CCDC122: variants seen among roughly 807,000 people sequenced by gnomAD.
The protein encoded by CCDC122 is coiled-coil domain containing 122.
A neutral mutation model predicts 37.0 loss-of-function variants in CCDC122; 38 were observed. That is an observed-to-expected ratio of 1.03 (90% CI 0.79 to 1.35). The LOEUF is 1.35. Ranked by LOEUF, CCDC122 falls within the 40% of genes most tolerant of loss-of-function variation. The probability of loss-of-function intolerance (pLI) is 0.00; values close to 1 mark genes in which losing one functional copy is unlikely to be tolerated. For missense variants in CCDC122, 305 were observed against 310.0 expected, an observed-to-expected ratio of 0.98 and a Z score of 0.12; for synonymous variants, 83 against 95.6, an observed-to-expected ratio of 0.87 and a Z score of 0.77.
intron 3 of CCDC122, among the ~76,000 whole-genome samples, chr13:43,824,720 A>T: frequency 6.6e-6 from 1 of 152,194 alleles, no homozygotes. Context: ...AATCAACCCC[A>T]TTAAAAAGTG....
At chr13:43,865,383 C>G (rs1210304801) in intron 4 of CCDC122, among the ~76,000 whole-genome samples, 1 of 152,070 alleles carries the variant, frequency 6.6e-6, no homozygotes. Flanking sequence ...AGTACTCCCT[C>G]CTTATCCAAG....
chr13:43,835,209 G>A (rs1264903618), downstream of CCDC122, among the ~76,000 whole-genome samples: 1 of 152,078 alleles, frequency 6.6e-6, no homozygotes, highest in Non-Finnish European at 1.5e-5. Context: ...CTATTGCAAG[G>A]ACAAAAAACC....
chr13:43,833,185 C>T (rs1953106150), downstream of CCDC122, among the ~76,000 whole-genome samples: 1 of 152,080 alleles, frequency 6.6e-6, no homozygotes, highest in Non-Finnish European at 1.5e-5. Flanking sequence ...ATAATTTGTC[C>T]ATAGGTTGCA....
chr13:43,842,969 T>C (rs1953405647), intron 6 of CCDC122, among the ~76,000 whole-genome samples: 1 of 152,094 alleles, frequency 6.6e-6, no homozygotes, highest in South Asian at 2.1e-4. Context: ...CTGTGAATAA[T>C]GACAGTTTTA....
intron 3 of CCDC122, among the ~76,000 whole-genome samples, chr13:43,828,307 T>C (rs1953058450): frequency 6.6e-6 from 1 of 152,168 alleles, no homozygotes; most frequent in African/African-American, 2.4e-5. Context: ...GTCAGGTGTC[T>C]GCTAGCTGGT....
At chr13:43,865,212 G>A (rs867928562) in intron 4 of CCDC122, among the ~76,000 whole-genome samples, 4 of 152,120 alleles carry the variant, frequency 2.6e-5, no homozygotes, top group African/African-American at 7.2e-5. Flanking sequence ...TGAGGGGTGC[G>A]GGGAAAGTAT....
Position 43,859,997 on chromosome 13 carries a change from T to C in CCDC122, c.230A>G (p.Tyr77Cys). Residue 77 changes from tyrosine to cysteine, a missense_variant, in exon 5 of 7, where the codon TAT (tyrosine) becomes TGT (cysteine). Physicochemically the swap from Tyr to Cys is radical, Grantham distance 194. Transcript: ENST00000444614. The part of the protein sequence containing the change: ...AETKETERQI[Y>C]QQDSAIENTK... ...ATTCTCTATGGCAGAATCTTGTTGATAAATTTGTCTTTCTGTTTCTTTAGT... is the reference window on the plus strand; with the variant it reads ...ATTCTCTATGGCAGAATCTTGTTGACAAATTTGTCTTTCTGTTTCTTTAGT... The C allele has an allele frequency of 6.3e-7, 1 of 1,587,558 alleles. No individual in the cohort carries two copies. The highest frequency in any genetic ancestry group is 2.3e-5 in the East Asian group (1 of 44,042).
intron 5 of CCDC122, 93 bp downstream of exon 5, chr13:43,859,579 T>G: frequency 9.6e-7 from 1 of 1,041,860 alleles, no homozygotes; most frequent in Non-Finnish European, 1.3e-6. Flanking sequence ...CTATGGGCAT[T>G]TTATTAACTT....
intron 1 of CCDC122, among the ~76,000 whole-genome samples, chr13:43,877,273 T>C (rs560568708): frequency 2.6e-5 from 4 of 152,258 alleles, no homozygotes; most frequent in African/African-American, 7.2e-5. Context: ...GTAGACTACA[T>C]GCAAAGAAAA....
At chr13:43,868,557 C>T (rs538513049) in intron 4 of CCDC122, 137 bp downstream of exon 4, 1 of 466,378 alleles carries the variant, frequency 2.1e-6, no homozygotes, top group Admixed American at 4.1e-5. Flanking sequence ...CCATGTAAAC[C>T]TTACTTAGGG....
intron 6 of CCDC122, chr13:43,848,594 A>G: frequency 6.4e-6 from 1 of 155,334 alleles, no homozygotes; most frequent in Non-Finnish European, 1.4e-5. Context: ...ATAAGAAGAC[A>G]GACAATAGAT....
At chr13:43,876,970 G>C (rs999063396) in intron 1 of CCDC122, among the ~76,000 whole-genome samples, 1 of 152,046 alleles carries the variant, frequency 6.6e-6, no homozygotes, top group African/African-American at 2.4e-5. Flanking sequence ...AATTAGCCGG[G>C]CGTGGTGGTG....
At chr13:43,838,903 G>A (rs907825973) in intron 6 of CCDC122, among the ~76,000 whole-genome samples, 2 of 152,204 alleles carry the variant, frequency 1.3e-5, no homozygotes, top group East Asian at 1.9e-4. Flanking sequence ...GCTCTTCCCT[G>A]GGTGAGAATT....
At chr13:43,864,673 C>G (rs1465674624) in intron 4 of CCDC122, among the ~76,000 whole-genome samples, 1 of 152,140 alleles carries the variant, frequency 6.6e-6, no homozygotes, top group African/African-American at 2.4e-5. Flanking sequence ...AAACACCTCC[C>G]ACTGGGCCCC....
intron 2 of CCDC122, among the ~76,000 whole-genome samples, chr13:43,871,788 A>G (rs1954460655): frequency 6.6e-6 from 1 of 152,088 alleles, no homozygotes; most frequent in Non-Finnish European, 1.5e-5. Context: ...TCTGTTCTCC[A>G]TTCCACTGCC....
chr13:43,859,020 CA>C (rs1371466908), intron 5 of CCDC122, 123 bp from the exon 6 acceptor site: 1 of 740,164 alleles, frequency 1.4e-6, no homozygotes, highest in East Asian at 4.4e-5. Flanking sequence ...TGATAAATAG[CA>C]TTAGAATATT....
Position 43,859,905 on chromosome 13 carries a change from T to G in CCDC122, c.322A>C (p.Lys108Gln), listed in dbSNP as rs180695292. The G allele has an allele frequency of 5.6e-6, 9 of 1,609,274 alleles. No individual in the cohort carries two copies. The East Asian group carries it at 1.8e-4, about 32-fold the overall frequency. ...TCTTGGGCTGTTTCTATGTCAAATT[T>G]AAGCTTTACATTTTCTGAATGTAAG... ...KSLHSENVKL[K>Q]FDIETAQEDF... Residue 108 changes from lysine (K) to glutamine (Q), a missense_variant, in exon 5 of 7, where the codon AAA (lysine) becomes CAA (glutamine). Lys to Gln is a moderately conservative substitution (Grantham distance 53). Transcript: ENST00000444614.
At chr13:43,862,304 C>T (rs115168256) in intron 4 of CCDC122, among the ~76,000 whole-genome samples, 2 of 152,250 alleles carry the variant, frequency 1.3e-5, no homozygotes, top group African/African-American at 4.8e-5. Context: ...TCCTTCCGAC[C>T]TAACGGCTTT....
At chr13:43,869,125 C>G (rs1181219911) in intron 3 of CCDC122, among the ~76,000 whole-genome samples, 2 of 151,970 alleles carry the variant, frequency 1.3e-5, no homozygotes, top group Admixed American at 1.3e-4. Flanking sequence ...AACTCTATAG[C>G]AATTAGAGTT....
Sources: allele counts gnomAD v4.1 joint callset (sites outside exome capture counted in the v4.1 genomes callset), GRCh38; gene constraint gnomAD v4.1.1; transcripts MANE v1.5; gene names NCBI Gene and HGNC (gene_info 2026-07-23, HGNC 2026-07-21).